Variants in UBAC2 observed in about 807,000 individuals in gnomAD.
The protein encoded by UBAC2 is UBA domain containing 2, also known as ubiquitin-associated domain-containing protein 2.
Under a neutral mutation model 44.0 loss-of-function variants are expected in UBAC2, and 26 were observed. The observed-to-expected ratio is 0.59, with a 90% CI of 0.43 to 0.82. The LOEUF (loss-of-function observed/expected upper bound fraction) is 0.82. Ranked by LOEUF, UBAC2 falls within the 40% of genes least tolerant of loss-of-function variation. UBAC2 has a pLI of 0.00. For missense variants in UBAC2, 329 were observed against 419.4 expected (o/e 0.78, Z 1.88); for synonymous variants, 155 against 154.3 (o/e 1.00, Z -0.04).
Position 99,229,199 on chromosome 13 carries a change from T to C in UBAC2, c.32-9228T>C, listed in dbSNP as rs142906356. Among the ~76,000 whole-genome samples, 440 of 152,282 alleles carry C rather than the reference T, an allele frequency of 2.9e-3. 2 individuals carry two copies. The highest frequency in any genetic ancestry group is 0.01 in the African/African-American group (427 of 41,560). On this transcript the variant is annotated intron_variant, in intron 1 of 8. Coordinates refer to ENST00000403766, the MANE Select transcript of UBAC2 (RefSeq NM_001144072.2). ...AACCCTGGCTGCTCATAGTAGTGTG[T>C]GGGAACGAGGGTGCAGAGTGGGGGA... is the stretch of plus-strand genomic sequence containing the variant.
chr13:99,239,967 A>G (rs1261653025), intron 2 of UBAC2, among the ~76,000 whole-genome samples: 2 of 152,162 alleles, frequency 1.3e-5, no homozygotes, highest in Non-Finnish European at 2.9e-5. Context: ...AAAAGAAGGG[A>G]TGACTGTTAA....
chr13:99,268,630 A>AAG (rs201205227), intron 4 of UBAC2, among the ~76,000 whole-genome samples: 2,686 of 140,316 alleles, frequency 0.019, 29 homozygotes, highest in Middle Eastern at 0.074. Context: ...AAAAAAAAAA[A>AAG]AAAAGAAACA....
chr13:99,211,076 C>T (rs72648071), intron 1 of UBAC2, among the ~76,000 whole-genome samples: 15,674 of 152,220 alleles, frequency 0.1, 891 homozygotes, highest in Admixed American at 0.17. Flanking sequence ...TTAGTACGTA[C>T]TGCCAAATTC....
intron 4 of UBAC2, among the ~76,000 whole-genome samples, chr13:99,281,569 G>A (rs557269920): frequency 3.3e-5 from 5 of 152,238 alleles, no homozygotes; most frequent in South Asian, 4.2e-4. Context: ...GTGAGAACTC[G>A]CATCTACTTT....
rs139800985 is a variant in UBAC2 at position 99,213,744 on chromosome 13, T to G, written c.31+12805T>G. The stretch of plus-strand genomic sequence containing the variant: ...CACTTAGAACATCTTTGTAACTAAG[T>G]TATTGATTGCATCTTTAACCCCATT... On this transcript the variant is annotated intron_variant, in intron 1 of 8. Transcript: ENST00000403766. Among the ~76,000 whole-genome samples, 1,218 of 152,332 alleles carry G rather than the reference T, an allele frequency of 8.0e-3. 52 individuals are homozygous for G. Among genetic ancestry groups the G allele is most frequent in the Admixed American group, 0.072 (1,103 of 15,290 alleles).
chr13:99,363,097 C>T (rs1283948501), intron 7 of UBAC2, among the ~76,000 whole-genome samples: 9 of 152,044 alleles, frequency 5.9e-5, no homozygotes, highest in South Asian at 2.1e-4. Flanking sequence ...TATCTTTTCC[C>T]TATCTATAGC....
At chr13:99,283,794 G>T (rs950215589) in intron 4 of UBAC2, among the ~76,000 whole-genome samples, 1 of 135,788 alleles carries the variant, frequency 7.4e-6, no homozygotes, top group African/African-American at 2.8e-5. Context: ...GAGTGCAGTG[G>T]TGCTATCTCG....
chr13:99,348,501 C>T (rs2045027588), intron 7 of UBAC2, among the ~76,000 whole-genome samples: 1 of 152,130 alleles, frequency 6.6e-6, no homozygotes, highest in Non-Finnish European at 1.5e-5. Flanking sequence ...CAAGGAATTG[C>T]ATTCGCCTGA....
At chr13:99,360,058 A>G (rs1013997315) in intron 7 of UBAC2, among the ~76,000 whole-genome samples, 7 of 152,246 alleles carry the variant, frequency 4.6e-5, no homozygotes, top group African/African-American at 1.4e-4. Context: ...TGGCTTTTCT[A>G]AAACATCGCA....
chr13:99,290,602 G>A (rs1173811051), intron 4 of UBAC2, among the ~76,000 whole-genome samples: 2 of 151,894 alleles, frequency 1.3e-5, no homozygotes, highest in East Asian at 1.9e-4. Context: ...GTGGGCACCT[G>A]TAATCCCAGC....
At position 99,386,311 on chromosome 13, in the gene UBAC2, C is replaced by G. The variant is rs559769183; in HGVS notation, c.*976C>G. ...GGACCGCCATGAGCATGAAAAGACC[C>G]GAAGCAAGTTGACTCTTGCAATGTG... On this transcript the variant is annotated 3_prime_UTR_variant, in exon 9 of 9. Transcript: ENST00000403766. 6.6e-6 allele frequency: 1 copy of G among 152,214 alleles called. No homozygotes were observed. The highest frequency in any genetic ancestry group is 1.9e-4 in the East Asian group (1 of 5,198). The allele number at this position is 152,214 out of a possible 1,614,324, so 9.4% of individuals were successfully genotyped here. A position where few individuals can be genotyped will look rare whatever the true frequency, so the allele number is the denominator to read the frequency against.
At chr13:99,233,413 A>C (rs1176371373) in intron 1 of UBAC2, among the ~76,000 whole-genome samples, 1 of 152,148 alleles carries the variant, frequency 6.6e-6, no homozygotes, top group Non-Finnish European at 1.5e-5. Flanking sequence ...ACCCGGCCTC[A>C]GATTTGGTTT....
intron 4 of UBAC2, among the ~76,000 whole-genome samples, chr13:99,257,571 G>A (rs1240540732): frequency 6.6e-6 from 1 of 152,116 alleles, no homozygotes; most frequent in Non-Finnish European, 1.5e-5. Flanking sequence ...AGTGATGCAT[G>A]TGTTTTAAAG....
intron 4 of UBAC2, among the ~76,000 whole-genome samples, chr13:99,251,709 G>T (rs1214020050): frequency 2.6e-5 from 4 of 152,040 alleles, no homozygotes; most frequent in African/African-American, 9.7e-5. Context: ...AAATAGCATG[G>T]TCTTTGCCAT....
rs192111345 is a variant in UBAC2, at chr13:99,288,404, G to A, written c.390-25693G>A. Among the ~76,000 whole-genome samples the A allele has an allele frequency of 2.9e-3, 443 of 152,316 alleles. 2 individuals carry two copies. Among genetic ancestry groups the A allele is most frequent in the African/African-American group, 0.01 (424 of 41,574 alleles). On this transcript the variant is annotated intron_variant, in intron 4 of 8. Transcript: ENST00000403766. ...CTAACTACGAGAAGCCACACAGTTA[G>A]CATGCAGATAGACAACAGCTTTAAA...
intron 4 of UBAC2, among the ~76,000 whole-genome samples, chr13:99,272,179 A>T (rs1271104893): frequency 6.6e-6 from 1 of 152,170 alleles, no homozygotes; most frequent in East Asian, 1.9e-4. Flanking sequence ...CCCAGCCCTC[A>T]ACTCCAGGGG....
chr13:99,373,705 G>A (rs2045440795), intron 8 of UBAC2, among the ~76,000 whole-genome samples: 1 of 152,162 alleles, frequency 6.6e-6, no homozygotes, highest in Admixed American at 6.5e-5. Context: ...ACGGATGGGT[G>A]GGCTGGAGTA....
At chr13:99,208,196 C>G (rs1190794579) in intron 1 of UBAC2, among the ~76,000 whole-genome samples, 1 of 152,036 alleles carries the variant, frequency 6.6e-6, no homozygotes, top group Non-Finnish European at 1.5e-5. Context: ...GGGGTTTCTC[C>G]ATGTTGGTCA....
At chr13:99,342,075 G>A (rs1388015028) in intron 7 of UBAC2, among the ~76,000 whole-genome samples, 2 of 152,202 alleles carry the variant, frequency 1.3e-5, no homozygotes, top group Non-Finnish European at 2.9e-5. Context: ...GCCTCCCCAG[G>A]AAGATTTTTA....
Sources: allele counts gnomAD v4.1 joint callset (sites outside exome capture counted in the v4.1 genomes callset), GRCh38; gene constraint gnomAD v4.1.1; transcripts MANE v1.5; gene names NCBI Gene and HGNC (gene_info 2026-07-23, HGNC 2026-07-21).